Variants in NOD2 observed in about 807,000 individuals in gnomAD.
NOD2 encodes the protein nucleotide-binding oligomerization domain-containing protein 2.
In NOD2, 86 loss-of-function variants were observed where a neutral mutation model predicts 90.9. The observed-to-expected ratio is 0.95, with a 90% CI of 0.79 to 1.13. The LOEUF (loss-of-function observed/expected upper bound fraction) is 1.13, where lower values mean the gene tolerates loss of function less well. NOD2 is among the 50% of genes most tolerant of loss of function. The pLI is 0.00. For missense variants in NOD2, 1,238 were observed against 1,283.8 expected (o/e 0.96, Z 0.55); for synonymous variants, 581 against 554.6 (o/e 1.05, Z -0.67).
chr16:50,724,712 A>G (rs2150835970), intron 9 of NOD2, among the ~76,000 whole-genome samples: 1 of 152,336 alleles, frequency 6.6e-6, no homozygotes, highest in Non-Finnish European at 1.5e-5. Flanking sequence ...CTACATAGGA[A>G]CTCAAAGTAC....
chr16:50,699,405 G>C, intron 1 of NOD2, 83 bp from the exon 2 acceptor site: 2 of 1,147,718 alleles, frequency 1.7e-6, no homozygotes, highest in Middle Eastern at 2.9e-4. Context: ...GGTTCTGCTG[G>C]GGCTGACTTG....
At chr16:50,697,217 C>CCTG in intron 1 of NOD2, 1 of 1,548,218 alleles carries the variant, frequency 6.5e-7, no homozygotes, top group Non-Finnish European at 8.7e-7. Flanking sequence ...AGATGCCATG[C>CCTG]CTGCTCCCCC....
In NOD2 at chr16:50,732,856, A is replaced by G; in HGVS notation, c.*1037A>G. The G allele has an allele frequency of 6.6e-6, 1 of 152,364 alleles. No homozygotes were observed. Among genetic ancestry groups the G allele is most frequent in the East Asian group, 1.9e-4 (1 of 5,338 alleles). 9.4% of individuals were successfully genotyped at this position (152,364 alleles called of 1,614,324 possible). A position where few individuals can be genotyped will look rare whatever the true frequency, so the allele number is the denominator to read the frequency against. On this transcript the variant is annotated 3_prime_UTR_variant, in exon 12 of 12. Coordinates refer to ENST00000647318, the MANE Select transcript of NOD2 (RefSeq NM_001370466.1). Reference sequence around the variant, plus strand: ...AAAAATTAGGCCGTTCCTTCAAAGCAAATGTCTTCCTGGATTATTCAAAAT... The same window carrying G: ...AAAAATTAGGCCGTTCCTTCAAAGCGAATGTCTTCCTGGATTATTCAAAAT...
At position 50,710,654 on chromosome 16, in the gene NOD2, T is replaced by G. The variant is rs104895423; in HGVS notation, c.662T>G (p.Leu221Arg). The G allele has an allele frequency of 3.8e-4, 615 of 1,614,204 alleles. 6 individuals are homozygous for G. The highest frequency in any genetic ancestry group is 2.6e-3 in the Middle Eastern group (16 of 6,062). The change falls in exon 4 of 12, where the codon CTG becomes CGG. Residue 221 changes from leucine (L) to arginine (R), a missense_variant. Physicochemically the swap from Leu to Arg is moderately radical, Grantham distance 102. Around this residue, in one of 3 missense-constraint regions of NOD2, gnomAD observed 567 missense variants for 577.3 expected, o/e 0.98. Transcript: ENST00000647318. Reference sequence around the variant, plus strand: ...TATGATGGAGCAGAGACGCTCTGCCTGGAGGACATATACACAGAGAATGTC... The same window carrying G: ...TATGATGGAGCAGAGACGCTCTGCCGGGAGGACATATACACAGAGAATGTC... ...STYDGAETLC[L>R]EDIYTENVLE...
Position 50,711,555 on chromosome 16 carries a change from G to A in NOD2, c.1563G>A (p.Leu521=), listed in dbSNP as rs369085294. 31 of 1,612,298 alleles carry A rather than the reference G, an allele frequency of 1.9e-5. No homozygotes were observed. The Middle Eastern group carries it at 6.6e-4, about 34-fold the overall frequency. Residue 521 remains leucine, a synonymous_variant, in exon 4 of 12, where the codon CTG becomes CTA. Coordinates refer to ENST00000647318, the MANE Select transcript of NOD2 (RefSeq NM_001370466.1). ...TTCGGGGCCGCCTCCCCACCCTCCT[G>A]CACCTGGGCAGACTGGCTCTGTGGG... is the stretch of plus-strand genomic sequence containing the variant. ...SLLRGRLPTL[L]HLGRLALWGL... is the part of the protein sequence containing the mutation.
Position 50,716,904 on chromosome 16 carries a change from A to G in NOD2, c.2479A>G (p.Lys827Glu). ...QLQKLALFNNKLTDGCAHSMA... is the reference protein window; with the variant it reads ...QLQKLALFNNELTDGCAHSMA... ...GGAACTGAACAGTCTATTCAACAAC[A>G]AATTGACTGACGGCTGTGCACACTC... Residue 827 changes from lysine (K) to glutamate (E), a missense_variant, in exon 6 of 12, where the codon AAA (lysine) becomes GAA (glutamate). Coordinates refer to ENST00000647318, the MANE Select transcript of NOD2 (RefSeq NM_001370466.1). 2 of 1,614,170 alleles carry G rather than the reference A, an allele frequency of 1.2e-6. No individual in the cohort carries two copies. Among genetic ancestry groups the G allele is most frequent in the East Asian group, 2.2e-5 (1 of 44,880 alleles).
rs199475922 is a variant in NOD2, at chr16:50,722,853, A to G, written c.2717+148A>G. ...GGAAAAAAGACCATTGGATTTCAAGAGAGGACACTCGAGTCTTTCTGGGTG... is the reference window on the plus strand; with the variant it reads ...GGAAAAAAGACCATTGGATTTCAAGGGAGGACACTCGAGTCTTTCTGGGTG... On this transcript the variant is annotated intron_variant, in intron 8 of 11. Coordinates refer to ENST00000647318, the MANE Select transcript of NOD2 (RefSeq NM_001370466.1). 137 of 789,548 alleles carry G rather than the reference A, an allele frequency of 1.7e-4. No individual in the cohort carries two copies. The African/African-American group carries it at 1.9e-3, about 11-fold the overall frequency. 48.9% of individuals were successfully genotyped at this position (789,548 alleles called of 1,614,324 possible). A position where few individuals can be genotyped will look rare whatever the true frequency, so the allele number is the denominator to read the frequency against.
intron 2 of NOD2, among the ~76,000 whole-genome samples, chr16:50,707,119 T>C (rs1338870882): frequency 1.3e-5 from 2 of 152,238 alleles, no homozygotes; most frequent in African/African-American, 4.8e-5. Flanking sequence ...AAAAAATATG[T>C]CTGTTAGAGG....
chr16:50,712,492 G>A, intron 4 of NOD2, 119 bp downstream of exon 4: 3 of 1,256,954 alleles, frequency 2.4e-6, no homozygotes, highest in Non-Finnish European at 3.4e-6. Flanking sequence ...ACCCTGCTTT[G>A]CAACACTGCC....
rs755857709 is a variant in NOD2 at position 50,716,948 on chromosome 16, A to T, written c.2523A>T (p.Ala841=). ...GCAHSMAKLL[A]CRQNFLALRL... ...CACACTCCATGGCTAAGCTCCTTGC[A>T]TGCAGGCAGAACTTCTTGGCATTGA... Residue 841 remains alanine (A), a synonymous_variant, in exon 6 of 12, where the codon GCA becomes GCT. Transcript: ENST00000647318. The T allele has an allele frequency of 2.5e-6, 4 of 1,614,158 alleles. No individual in the cohort carries two copies. The highest frequency in any genetic ancestry group is 1.3e-5 in the African/African-American group (1 of 74,954).
chr16:50,719,572 T>C (rs1458109657), intron 6 of NOD2, among the ~76,000 whole-genome samples: 1 of 152,144 alleles, frequency 6.6e-6, no homozygotes, highest in Non-Finnish European at 1.5e-5. Context: ...GAGGGCACGA[T>C]GGGGTCTGGA....
chr16:50,707,790 G>C, intron 2 of NOD2, 65 bp from the exon 3 acceptor site: 1 of 1,129,148 alleles, frequency 8.9e-7, no homozygotes, highest in Non-Finnish European at 1.4e-6. Context: ...GCAGTAATCA[G>C]TAAGCCTTCC....
chr16:50,726,826 G>T (rs1965282283), intron 10 of NOD2, among the ~76,000 whole-genome samples: 1 of 152,138 alleles, frequency 6.6e-6, no homozygotes, highest in Non-Finnish European at 1.5e-5. Context: ...TCCAGGCTTA[G>T]TTTCTGCCAA....
intron 10 of NOD2, 104 bp downstream of exon 10, chr16:50,725,676 G>T: frequency 1.1e-6 from 1 of 875,532 alleles, no homozygotes. Flanking sequence ...ACTCATGTGA[G>T]GTGGCCTGGT....
Position 50,699,721 on chromosome 16 carries a change from C to T in NOD2, c.226C>T (p.Leu76Phe). ...TAAGGGTACTTGGGCCTGTCAGAAG[C>T]TCATCGCGGCTGCCCAAGAAGCCCA... ...WNKGTWACQK[L>F]IAAAQEAQAD... is the part of the protein sequence containing the mutation. The change falls in exon 2 of 12, where the codon CTC becomes TTC. Residue 76 changes from leucine to phenylalanine, a missense_variant. By Grantham distance (22) the Leu-to-Phe change is conservative (BLOSUM62 0). This residue lies in a region of NOD2 where 567 missense variants were observed against 577.3 expected (regional missense o/e 0.98). Transcript: ENST00000647318. The T allele has an allele frequency of 1.2e-6, 2 of 1,614,148 alleles. No individual in the cohort carries two copies. Among genetic ancestry groups the T allele is most frequent in the Non-Finnish European group, 8.5e-7 (1 of 1,180,036 alleles).
At chr16:50,717,106 A>G (rs1964836179) in intron 6 of NOD2, 132 bp downstream of exon 6, 9 of 795,088 alleles carry the variant, frequency 1.1e-5, no homozygotes, top group Non-Finnish European at 2.0e-5. Context: ...ACAGTGTCTC[A>G]TTTTAAGCAG....
intron 2 of NOD2, 132 bp from the exon 3 acceptor site, chr16:50,707,723 T>G: frequency 1.4e-6 from 1 of 738,844 alleles, no homozygotes; most frequent in Non-Finnish European, 2.5e-6. Context: ...CTCATGTGGT[T>G]GTTCGGTTGT....
intron 4 of NOD2, 188 bp downstream of exon 4, chr16:50,712,561 T>C: frequency 5.7e-6 from 4 of 705,916 alleles, no homozygotes; most frequent in South Asian, 1.7e-5. Flanking sequence ...CCACACTTTA[T>C]TGACTGGCCT....
In NOD2 at chr16:50,712,164, G is replaced by A; in HGVS notation, c.2172G>A (p.Glu724=). 1 of 1,614,086 alleles carries A rather than the reference G, an allele frequency of 6.2e-7. No individual in the cohort carries two copies. The highest frequency in any genetic ancestry group is 1.1e-5 in the South Asian group (1 of 91,092). The change falls in exon 4 of 12, where the codon GAG becomes GAA. Residue 724 remains glutamate, a synonymous_variant. Coordinates refer to ENST00000647318, the MANE Select transcript of NOD2 (RefSeq NM_001370466.1). The part of the protein sequence containing the change: ...WLIRSLYEMQ[E]ERLARKAARG... ...TCCGGAGCCTGTACGAGATGCAGGA[G>A]GAGCGGCTGGCTCGGAAGGCTGCAC...
Sources: allele counts gnomAD v4.1 joint callset (sites outside exome capture counted in the v4.1 genomes callset), GRCh38; gene constraint gnomAD v4.1.1; regional missense constraint gnomAD v4.1.1; transcripts MANE v1.5; gene names NCBI Gene and HGNC (gene_info 2026-07-23, HGNC 2026-07-21).